Variants in C4BPA observed in about 807,000 individuals in gnomAD.
C4BPA encodes the protein C4b-binding protein alpha chain.
C4BPA carries 31 observed loss-of-function variants against 63.7 expected under a neutral mutation model. That is an observed-to-expected ratio of 0.49 (90% CI 0.37 to 0.66). The LOEUF (loss-of-function observed/expected upper bound fraction) is 0.66, where lower values mean the gene tolerates loss of function less well. Among genes scored for constraint, C4BPA ranks in the 30% least tolerant of loss-of-function variants. The pLI is 0.00. For missense variants in C4BPA, 572 were observed against 723.3 expected, an observed-to-expected ratio of 0.79 and a Z score of 2.40; for synonymous variants, 259 against 254.7, an observed-to-expected ratio of 1.02 and a Z score of -0.16.
intron 7 of C4BPA, among the ~76,000 whole-genome samples, chr1:207,128,932 T>C (rs1685104849): frequency 6.6e-6 from 1 of 151,882 alleles, no homozygotes; most frequent in Admixed American, 6.6e-5. Flanking sequence ...AAGCCAACAA[T>C]AGAAACTGTT....
At chr1:207,118,165 G>A (rs78168077) in intron 4 of C4BPA, among the ~76,000 whole-genome samples, 25,476 of 72,318 alleles carry the variant, frequency 0.35, 3,412 homozygotes, top group Non-Finnish European at 0.44. Flanking sequence ...CTGTCTGTCT[G>A]TCTATCTATC....
chr1:207,116,364 TTG>T (rs1264002238), intron 4 of C4BPA, among the ~76,000 whole-genome samples: 2 of 93,778 alleles, frequency 2.1e-5, no homozygotes, highest in East Asian at 4.3e-4. Flanking sequence ...TGCCTGGTTG[TTG>T]TTTTTTTTCC....
At chr1:207,144,393 G>A in intron 11 of C4BPA, 151 bp from the exon 12 acceptor site, 1 of 605,312 alleles carries the variant, frequency 1.7e-6, no homozygotes, top group South Asian at 2.8e-5. Context: ...GACTGTGGTG[G>A]GACCCAAGTG....
Position 207,141,274 on chromosome 1 carries a change from A to G in C4BPA, c.1442A>G (p.Lys481Arg), listed in dbSNP as rs1276463293. 1.2e-6 allele frequency: 2 copies of G among 1,611,942 alleles called. No homozygotes were observed. Among genetic ancestry groups the G allele is most frequent in the Non-Finnish European group, 1.7e-6 (2 of 1,179,370 alleles). ...TGGTCAGCTCCAGCCCCTCAATGTA[A>G]AGGTAACTCCAGCTTCCTTTTCAGC... ...SHWSAPAPQC[K>R]ALCRKPELVN... Residue 481 changes from lysine (K) to arginine (R), a missense_variant and splice_region_variant, in exon 10 of 12, where the codon AAA becomes AGA. Around this residue, in one of 2 missense-constraint regions of C4BPA, gnomAD observed 465 missense variants for 629.4 expected, o/e 0.74. Coordinates refer to ENST00000367070, the MANE Select transcript of C4BPA (RefSeq NM_000715.4).
intron 6 of C4BPA, 69 bp from the exon 7 acceptor site, chr1:207,126,644 C>G (rs1685049932): frequency 9.1e-7 from 1 of 1,104,874 alleles, no homozygotes; most frequent in Admixed American, 1.9e-5. Context: ...ACTGGATTAG[C>G]AGTGGCAGTA....
intron 1 of C4BPA, among the ~76,000 whole-genome samples, chr1:207,110,740 T>C (rs1221699790): frequency 6.6e-6 from 1 of 152,224 alleles, no homozygotes; most frequent in Non-Finnish European, 1.5e-5. Context: ...TTTAAGATAT[T>C]TTTGTTCAAC....
chr1:207,116,248 C>G (rs987164951), intron 4 of C4BPA, among the ~76,000 whole-genome samples: 1 of 152,134 alleles, frequency 6.6e-6, no homozygotes, highest in African/African-American at 2.4e-5. Flanking sequence ...AATAAAATCT[C>G]ACTATAGTTT....
chr1:207,108,371 T>C (rs748205484), intron 1 of C4BPA, among the ~76,000 whole-genome samples: 25 of 152,208 alleles, frequency 1.6e-4, no homozygotes, highest in Admixed American at 1.2e-3. Context: ...ATTACTGTCA[T>C]GTGGCAGAGC....
In C4BPA at chr1:207,126,739, T is replaced by A; in HGVS notation, c.733T>A (p.Ser245Thr). ...AATCACCTGTCGCAAGCCAGATGTT[T>A]CACATGGGGAAATGGTCTCTGGATT... ...EKITCRKPDV[S>T]HGEMVSGFGP... is the part of the protein sequence containing the mutation. The change falls in exon 7 of 12, where the codon TCA becomes ACA. Residue 245 changes from serine (S) to threonine (T), a missense_variant. Transcript: ENST00000367070. 3 of 1,609,850 alleles carry A rather than the reference T, an allele frequency of 1.9e-6. No homozygotes were observed. The highest frequency in any genetic ancestry group is 1.7e-6 in the Non-Finnish European group (2 of 1,177,746).
intron 1 of C4BPA, among the ~76,000 whole-genome samples, chr1:207,108,088 T>G (rs1398287702): frequency 6.6e-6 from 1 of 152,192 alleles, no homozygotes; most frequent in Non-Finnish European, 1.5e-5. Context: ...ATGAAGTGAT[T>G]GGAAATATTG....
chr1:207,108,798 C>G (rs558764370), intron 1 of C4BPA, among the ~76,000 whole-genome samples: 1 of 152,192 alleles, frequency 6.6e-6, no homozygotes, highest in South Asian at 2.1e-4. Context: ...TCTCGGATCA[C>G]TGTAACCTTT....
At chr1:207,108,996 C>T (rs1173381921) in intron 1 of C4BPA, among the ~76,000 whole-genome samples, 10 of 152,200 alleles carry the variant, frequency 6.6e-5, no homozygotes, top group African/African-American at 2.4e-4. Context: ...GCTGGGATTA[C>T]AGGCGTGAGC....
chr1:207,143,074 T>C (rs1320626681), intron 10 of C4BPA, among the ~76,000 whole-genome samples: 1 of 152,148 alleles, frequency 6.6e-6, no homozygotes, highest in Non-Finnish European at 1.5e-5. Context: ...AGCAAAGACT[T>C]GAGACCAACC....
In C4BPA at chr1:207,126,867, G is replaced by A; in HGVS notation, c.861G>A (p.Trp287Ter). The change falls in exon 7 of 12, where the codon TGG becomes TGA. Residue 287 changes from tryptophan (W) to a stop codon, truncating the protein, a stop_gained. Transcript: ENST00000367070. LOFTEE classifies it high-confidence loss of function. ...TTCATTGTGATGCTGATAGCAAATG[G>A]AATCCTTCTCCTCCTGCTTGTGAGC... is the stretch of plus-strand genomic sequence containing the variant. ...SVIHCDADSK[W>*]NPSPPACEPN... is the part of the protein sequence containing the mutation. 6.2e-7 allele frequency: 1 copy of A among 1,612,888 alleles called. No homozygotes were observed. Among genetic ancestry groups the A allele is most frequent in the Non-Finnish European group, 8.5e-7 (1 of 1,179,398 alleles).
rs1051560780 is a variant in C4BPA at position 207,144,844 on chromosome 1, T to C, written c.*127T>C. On this transcript the variant is annotated 3_prime_UTR_variant, in exon 12 of 12. Transcript: ENST00000367070. The stretch of plus-strand genomic sequence containing the variant: ...CATCATAATAAATATCTAGAAATGA[T>C]AATTTGCTAAAGTTTAGTGCTTTGA... The C allele has an allele frequency of 2.0e-6, 1 of 508,106 alleles. No homozygotes were observed. The highest frequency in any genetic ancestry group is 3.2e-6 in the Non-Finnish European group (1 of 308,482). 31.5% of individuals were successfully genotyped at this position (508,106 alleles called of 1,614,324 possible).
At chr1:207,137,413 A>G (rs948799701) in intron 9 of C4BPA, among the ~76,000 whole-genome samples, 1 of 152,198 alleles carries the variant, frequency 6.6e-6, no homozygotes, top group African/African-American at 2.4e-5. Flanking sequence ...GGGAGACATA[A>G]TACATGTAAG....
Position 207,144,792 on chromosome 1 carries a change from A to T in C4BPA, c.*75A>T. 4.5e-6 allele frequency: 4 copies of T among 890,618 alleles called. No homozygotes were observed. The highest frequency in any genetic ancestry group is 6.4e-6 in the Non-Finnish European group (4 of 622,748). 55.2% of individuals were successfully genotyped at this position (890,618 alleles called of 1,614,324 possible). The stretch of plus-strand genomic sequence containing the variant: ...AATTCAATACAGATCAGTTTAGCAA[A>T]TCTACTGTCAATTTGGCAGTGATAT... On this transcript the variant is annotated 3_prime_UTR_variant, in exon 12 of 12. Transcript: ENST00000367070.
At chr1:207,123,884 G>C (rs997677116) in intron 4 of C4BPA, 38 bp from the exon 5 acceptor site, 1 of 1,171,576 alleles carries the variant, frequency 8.5e-7, no homozygotes, top group East Asian at 2.4e-5. Flanking sequence ...TTTAGGGTAG[G>C]AGGAATTCCA....
chr1:207,134,077 G>C (rs914091355), intron 8 of C4BPA, among the ~76,000 whole-genome samples: 1 of 151,868 alleles, frequency 6.6e-6, no homozygotes, highest in Non-Finnish European at 1.5e-5. Flanking sequence ...CAAACTCCTG[G>C]GCTCAAGCAA....
Sources: allele counts gnomAD v4.1 joint callset (sites outside exome capture counted in the v4.1 genomes callset), GRCh38; gene constraint gnomAD v4.1.1; regional missense constraint gnomAD v4.1.1; transcripts MANE v1.5; gene names NCBI Gene and HGNC (gene_info 2026-07-23, HGNC 2026-07-21).